The following IP6K1 variants were observed in gnomAD, a reference collection of about 807,000 sequenced individuals.
The protein encoded by IP6K1 is ATP:1D-myo-inositol-hexakisphosphate phosphotransferase.
IP6K1 carries 13 observed loss-of-function variants against 38.3 expected under a neutral mutation model. The observed-to-expected ratio is 0.34, with a 90% CI of 0.22 to 0.54. IP6K1 has a LOEUF of 0.54. Ranked by LOEUF, IP6K1 falls within the 20% of genes least tolerant of loss-of-function variation. The probability of loss-of-function intolerance (pLI) is 0.92; values close to 1 mark genes in which losing one functional copy is unlikely to be tolerated. For synonymous variants in IP6K1, 212 were observed against 229.9 expected, an observed-to-expected ratio of 0.92 and a Z score of 0.70; for missense variants, 397 against 599.8, an observed-to-expected ratio of 0.66 and a Z score of 3.53.
intron 4 of IP6K1, among the ~76,000 whole-genome samples, chr3:49,730,714 T>A (rs962969515): frequency 6.6e-6 from 1 of 152,038 alleles, no homozygotes; most frequent in Non-Finnish European, 1.5e-5. Context: ...GCCCGACTAA[T>A]TTTTTGTATT....
At chr3:49,765,478 TAA>T (rs34207764) in intron 1 of IP6K1, among the ~76,000 whole-genome samples, 10 of 108,436 alleles carry the variant, frequency 9.2e-5, no homozygotes, top group Admixed American at 4.1e-4. Flanking sequence ...TGTTTCTACT[TAA>T]AAAAAAAAAA....
At chr3:49,759,932 T>A (rs1395406290) in intron 1 of IP6K1, among the ~76,000 whole-genome samples, 1 of 152,226 alleles carries the variant, frequency 6.6e-6, no homozygotes, top group Admixed American at 6.5e-5. Context: ...AGACAGGGTC[T>A]CACTCTGTCA....
At chr3:49,768,875 G>T (rs1192923533) in intron 1 of IP6K1, among the ~76,000 whole-genome samples, 1 of 152,108 alleles carries the variant, frequency 6.6e-6, no homozygotes, top group Non-Finnish European at 1.5e-5. Flanking sequence ...ATATAATGGG[G>T]AGAGTTCCTA....
intron 2 of IP6K1, among the ~76,000 whole-genome samples, chr3:49,746,057 TG>T (rs2080718619): frequency 6.6e-6 from 1 of 150,826 alleles, no homozygotes; most frequent in Non-Finnish European, 1.5e-5. Context: ...AGAAAAGGAG[TG>T]TTGGTAAGGA....
rs36035503 is a variant in IP6K1, at chr3:49,776,519, T to TAA, written c.-129+9833_-129+9834dup. Among the ~76,000 whole-genome samples, 85 of 142,752 alleles carry TAA rather than the reference T, an allele frequency of 6.0e-4. 1 individual carries two copies. The highest frequency in any genetic ancestry group is 5.1e-3 in the East Asian group (25 of 4,868). The allele number at this position is 142,752 out of a possible 152,430, so 93.7% of individuals were successfully genotyped here. ...GTGACAGGGCAAGACTCAGTCTCAG[T>TAA]AAAAAAAAAAAGCAAATAAATGCAA... is the stretch of plus-strand genomic sequence containing the variant. On this transcript the variant is annotated intron_variant, in intron 1 of 5. Transcript: ENST00000321599.
intron 1 of IP6K1, among the ~76,000 whole-genome samples, chr3:49,759,488 T>C (rs935380855): frequency 6.6e-6 from 1 of 152,170 alleles, no homozygotes; most frequent in Non-Finnish European, 1.5e-5. Context: ...TGGACCTCCA[T>C]CTCAAGGGCC....
At chr3:49,755,658 T>G (rs1200085220) in intron 1 of IP6K1, among the ~76,000 whole-genome samples, 3 of 152,226 alleles carry the variant, frequency 2.0e-5, no homozygotes, top group African/African-American at 7.2e-5. Context: ...AAACTTGGGC[T>G]ATACAGCTCT....
At position 49,728,295 on chromosome 3, in the gene IP6K1, G is replaced by A. The variant is rs370846796; in HGVS notation, c.617-17C>T. 6.2e-7 allele frequency: 1 copy of A among 1,608,954 alleles called. No individual in the cohort carries two copies. The highest frequency in any genetic ancestry group is 1.7e-5 in the Admixed American group (1 of 59,956). On this transcript the variant is annotated splice_polypyrimidine_tract_variant and intron_variant, in intron 4 of 5. Coordinates refer to ENST00000321599, the MANE Select transcript of IP6K1 (RefSeq NM_153273.4). Reference sequence around the variant, plus strand: ...GGAGGAACTCTGGGCCACGGTCAAGGAGAATGACAACCACACTCACCATCA... The same window carrying A: ...GGAGGAACTCTGGGCCACGGTCAAGAAGAATGACAACCACACTCACCATCA...
intron 3 of IP6K1, among the ~76,000 whole-genome samples, chr3:49,736,157 C>A (rs1351581134): frequency 6.6e-6 from 1 of 152,160 alleles, no homozygotes; most frequent in African/African-American, 2.4e-5. Context: ...CTCAGGTGAT[C>A]CACCCGCCTC....
rs1465823254 is a variant in IP6K1, at chr3:49,757,572, T to G, written c.-128-9404A>C. Among the ~76,000 whole-genome samples the G allele has an allele frequency of 2.0e-5, 3 of 151,864 alleles. No individual in the cohort carries two copies. In the East Asian group the frequency reaches 5.8e-4, roughly 29 times the overall value. On this transcript the variant is annotated intron_variant, in intron 1 of 5. Transcript: ENST00000321599. Reference sequence around the variant, plus strand: ...AATACTGTCTCTACAAAAAAAAAATTAGCCAGGCTTGGTGGCTCATGCCTA... The same window carrying G: ...AATACTGTCTCTACAAAAAAAAAATGAGCCAGGCTTGGTGGCTCATGCCTA...
At chr3:49,728,362 G>A in intron 4 of IP6K1, 84 bp from the exon 5 acceptor site, 1 of 1,373,346 alleles carries the variant, frequency 7.3e-7, no homozygotes, top group Non-Finnish European at 1.0e-6. Flanking sequence ...CTATAAAAGG[G>A]GGCTTTTACC....
intron 1 of IP6K1, among the ~76,000 whole-genome samples, chr3:49,755,157 G>A (rs997129738): frequency 2.2e-5 from 3 of 136,540 alleles, no homozygotes; most frequent in Non-Finnish European, 4.5e-5. Flanking sequence ...GGCTGGTCTC[G>A]AACTCCCGAG....
chr3:49,739,666 A>C (rs1179470219), intron 2 of IP6K1, among the ~76,000 whole-genome samples: 2 of 151,574 alleles, frequency 1.3e-5, no homozygotes, highest in African/African-American at 4.8e-5. Context: ...AGTTCTTTAT[A>C]ATATTCTTCT....
chr3:49,775,584 C>A, intron 1 of IP6K1: 1 of 984,434 alleles, frequency 1.0e-6, no homozygotes, highest in African/African-American at 1.6e-5. Flanking sequence ...CTTCTACGAA[C>A]ACAAAAAAAT....
chr3:49,768,567 C>T (rs1575324448), intron 1 of IP6K1, among the ~76,000 whole-genome samples: 1 of 152,006 alleles, frequency 6.6e-6, no homozygotes, highest in South Asian at 2.1e-4. Context: ...GTCAGGAGTT[C>T]GAGATCAACC....
rs186146880 is a variant in IP6K1 at position 49,778,339 on chromosome 3, A to G, written c.-129+8015T>C. On this transcript the variant is annotated intron_variant, in intron 1 of 5. Coordinates refer to ENST00000321599, the MANE Select transcript of IP6K1 (RefSeq NM_153273.4). ...AGACTCGGTCTCAAAAAAAAAAAAA[A>G]GGCAGGGTCTTGGCAAGGTGTGGTG... 9.0e-3 allele frequency among the ~76,000 whole-genome samples: 1,363 copies of G among 150,974 alleles called. 18 individuals are homozygous for G. Among genetic ancestry groups the G allele is most frequent in the African/African-American group, 0.032 (1,307 of 41,092 alleles).
At chr3:49,754,100 G>C (rs2080801648) in intron 1 of IP6K1, among the ~76,000 whole-genome samples, 1 of 152,128 alleles carries the variant, frequency 6.6e-6, no homozygotes, top group Admixed American at 6.6e-5. Context: ...AGCTGTGGTA[G>C]TCATGCCTGT....
intron 1 of IP6K1, among the ~76,000 whole-genome samples, chr3:49,779,797 C>T (rs1026014160): frequency 1.3e-5 from 2 of 152,068 alleles, no homozygotes; most frequent in African/African-American, 4.8e-5. Flanking sequence ...GCAATCCTCC[C>T]GCCCCTGCCT....
rs1170100217 is a variant in IP6K1 at position 49,752,958 on chromosome 3, T to TCATGTTGG, written c.-128-4798_-128-4791dup. 7.9e-5 allele frequency among the ~76,000 whole-genome samples: 12 copies of TCATGTTGG among 151,722 alleles called. No homozygotes were observed. The East Asian group carries it at 2.3e-3, about 29-fold the overall frequency. ...TATTTTTACTAGAGACGGGGTTTTG[T>TCATGTTGG]CATGTTGGCCAGGCTGGTCTGAAAC... is the stretch of plus-strand genomic sequence containing the variant. On this transcript the variant is annotated intron_variant, in intron 1 of 5. Transcript: ENST00000321599.
Sources: gnomAD v4.1 joint callset for allele counts (sites outside exome capture counted in the v4.1 genomes callset) on GRCh38, gnomAD v4.1.1 for gene constraint, MANE v1.5 for transcripts, NCBI Gene and HGNC (gene_info 2026-07-23, HGNC 2026-07-21) for gene names.